Variants in GLE1 observed in about 807,000 individuals in gnomAD.
GLE1 encodes the protein GLE1 RNA export mediator.
A neutral mutation model predicts 97.3 loss-of-function variants in GLE1; 78 were observed. The ratio of observed to expected loss-of-function variants is 0.80; its 90% CI spans 0.67 to 0.97. GLE1 has a LOEUF of 0.97. Among genes scored for constraint, GLE1 ranks in the 50% least tolerant of loss-of-function variants. The pLI, the probability that GLE1 is intolerant of heterozygous loss-of-function variation, is 0.00. For synonymous variants in GLE1, 302 were observed against 313.4 expected (o/e 0.96, Z 0.39); for missense variants, 753 against 857.5 (o/e 0.88, Z 1.52).
At chr9:128,537,905 G>A in intron 12 of GLE1, 81 bp from the exon 13 acceptor site, 1 of 806,550 alleles carries the variant, frequency 1.2e-6, no homozygotes, top group Non-Finnish European at 2.2e-6. Flanking sequence ...ATTTCCACTT[G>A]GTAATGGCTG....
At chr9:128,510,068 T>A (rs1159165738) in intron 2 of GLE1, among the ~76,000 whole-genome samples, 3 of 151,792 alleles carry the variant, frequency 2.0e-5, no homozygotes. Flanking sequence ...TCACCCTCCC[T>A]TTTTTTTGAG....
chr9:128,535,461 G>T (rs1444786697), intron 11 of GLE1, among the ~76,000 whole-genome samples: 5 of 146,154 alleles, frequency 3.4e-5, no homozygotes, highest in African/African-American at 1.3e-4. Flanking sequence ...GGTGGAGGTT[G>T]CACTGAGCCG....
At chr9:128,524,540 C>CTTTTTTTTTTTT (rs71381767) in intron 6 of GLE1, among the ~76,000 whole-genome samples, 1 of 39,622 alleles carries the variant, frequency 2.5e-5, no homozygotes, top group African/African-American at 9.3e-5. Flanking sequence ...CTTTGCTTTG[C>CTTTTTTTTTTTT]TTTTTTTTTT....
At position 128,527,246 on chromosome 9, in the gene GLE1, G is replaced by A. The variant is rs772904962; in HGVS notation, c.1197G>A (p.Gln399=). 6.2e-7 allele frequency: 1 copy of A among 1,612,068 alleles called. No individual in the cohort carries two copies. The highest frequency in any genetic ancestry group is 8.5e-7 in the Non-Finnish European group (1 of 1,178,066). Residue 399 remains glutamine (Q), a synonymous_variant, in exon 8 of 16, where the codon CAG becomes CAA. Coordinates refer to ENST00000309971, the MANE Select transcript of GLE1 (RefSeq NM_001003722.2). ...WYQQLQDASM[Q]CVLTFEGLTN... is the part of the protein sequence containing the mutation. Reference sequence around the variant, plus strand: ...AGCAGCTGCAGGATGCTTCCATGCAGTGTGTGTTGACCTTTGAGGGCCTGA... The same window carrying A: ...AGCAGCTGCAGGATGCTTCCATGCAATGTGTGTTGACCTTTGAGGGCCTGA...
chr9:128,536,097 A>G (rs571668231), intron 11 of GLE1, among the ~76,000 whole-genome samples: 149 of 152,100 alleles, frequency 9.8e-4, no homozygotes, highest in Non-Finnish European at 1.8e-3. Flanking sequence ...CAGTGATGCA[A>G]TCTTGACTCA....
chr9:128,540,514 C>A lies in GLE1; in HGVS notation c.2028+176C>A, dbSNP rs1470860352. The A allele has an allele frequency of 4.6e-6, 3 of 650,100 alleles. No homozygotes were observed. The East Asian group carries it at 8.3e-5, about 18-fold the overall frequency. The allele number at this position is 650,100 out of a possible 1,614,324, so 40.3% of individuals were successfully genotyped here. On this transcript the variant is annotated intron_variant, in intron 15 of 15. Transcript: ENST00000309971. ...TTTGGAGTAAGGGCTGCCATTTCCT[C>A]TTCTTTATATGTATCATTCTCTATA...
chr9:128,507,942 G>A (rs932671068), intron 1 of GLE1, among the ~76,000 whole-genome samples: 2 of 151,912 alleles, frequency 1.3e-5, no homozygotes, highest in African/African-American at 4.8e-5. Context: ...CACTTTGGGA[G>A]GCTGAGGCGG....
Position 128,523,265 on chromosome 9 carries a change from C to T in GLE1, c.582-15C>T. 6.3e-7 allele frequency: 1 copy of T among 1,595,520 alleles called. No individual in the cohort carries two copies. ...AAGTATCCCTGACTATTCCTCCCTGCCATTTTTCATGCAGCTCCAGAGAAG... is the reference window on the plus strand; with the variant it reads ...AAGTATCCCTGACTATTCCTCCCTGTCATTTTTCATGCAGCTCCAGAGAAG... On this transcript the variant is annotated splice_polypyrimidine_tract_variant and intron_variant, in intron 4 of 15. Transcript: ENST00000309971.
chr9:128,511,660 T>A (rs1846827957), intron 2 of GLE1, among the ~76,000 whole-genome samples: 1 of 149,322 alleles, frequency 6.7e-6, no homozygotes, highest in East Asian at 2.0e-4. Context: ...GAGCTGAGAT[T>A]GCGCCACTGC....
rs1290904470 is a variant in GLE1, at chr9:128,539,701, A to G, written c.1964+3A>G. 2.5e-6 allele frequency: 4 copies of G among 1,613,686 alleles called. No individual in the cohort carries two copies. The East Asian group carries it at 6.7e-5, about 27-fold the overall frequency. On this transcript the variant is annotated splice_donor_region_variant and intron_variant, in intron 14 of 15. Transcript: ENST00000309971. ...ATCAAAGAGGACTACTTTCCCAGGT[A>G]TCAGGCTTGTTGAGCAGACAGCAGG...
intron 1 of GLE1, among the ~76,000 whole-genome samples, chr9:128,508,134 C>T (rs553119038): frequency 2.1e-5 from 3 of 144,528 alleles, no homozygotes; most frequent in Admixed American, 7.1e-5. Context: ...GAGCCAAGAT[C>T]GTGCCATTGC....
At chr9:128,510,762 C>T (rs193274186) in intron 2 of GLE1, among the ~76,000 whole-genome samples, 106 of 149,468 alleles carry the variant, frequency 7.1e-4, no homozygotes, top group Non-Finnish European at 1.1e-3. Flanking sequence ...CTACTGACCT[C>T]AGATGATCTA....
At chr9:128,516,786 G>A (rs1288442234) in intron 3 of GLE1, among the ~76,000 whole-genome samples, 1 of 151,504 alleles carries the variant, frequency 6.6e-6, no homozygotes, top group African/African-American at 2.4e-5. Context: ...CACCACGCCT[G>A]GCTAATTTTT....
intron 9 of GLE1, among the ~76,000 whole-genome samples, chr9:128,529,872 G>C (rs903156952): frequency 2.0e-5 from 3 of 151,960 alleles, no homozygotes; most frequent in Non-Finnish European, 4.4e-5. Context: ...CACCTCCCGG[G>C]TTCACGCCAT....
Position 128,541,331 on chromosome 9 carries a change from C to A in GLE1, c.*161C>A. On this transcript the variant is annotated 3_prime_UTR_variant, in exon 16 of 16. Transcript: ENST00000309971. ...ACTAGGAGAGGAGATTTTCATGGGT[C>A]ACAAAATTCTTGGAGGTCCCTTAGT... The A allele has an allele frequency of 1.6e-6, 1 of 633,342 alleles. No individual in the cohort carries two copies. Among genetic ancestry groups the A allele is most frequent in the Non-Finnish European group, 2.8e-6 (1 of 352,738 alleles). 39.2% of individuals were successfully genotyped at this position (633,342 alleles called of 1,614,324 possible).
In GLE1 at chr9:128,541,196, G is replaced by A. The variant is rs755923719; in HGVS notation, c.*26G>A. On this transcript the variant is annotated 3_prime_UTR_variant, in exon 16 of 16. Transcript: ENST00000309971. ...TGTCACTCCATCACCCACCATCACC[G>A]CTGCTGCAAAGAGGCAATAATAAAG... 10 of 1,315,820 alleles carry A rather than the reference G, an allele frequency of 7.6e-6. No individual in the cohort carries two copies. Among genetic ancestry groups the A allele is most frequent in the Admixed American group, 1.7e-5 (1 of 59,670 alleles). The allele number at this position is 1,315,820 out of a possible 1,614,324, so 81.5% of individuals were successfully genotyped here.
chr9:128,539,929 T>C, intron 14 of GLE1: 1 of 1,224,500 alleles, frequency 8.2e-7, no homozygotes, highest in Non-Finnish European at 1.1e-6. Context: ...AATTAGGGGC[T>C]GAGCACAGTG....
chr9:128,504,774 G>T lies in GLE1; in HGVS notation c.-32G>T. The T allele has an allele frequency of 7.2e-7, 1 of 1,393,936 alleles. No homozygotes were observed. Among genetic ancestry groups the T allele is most frequent in the Non-Finnish European group, 1.0e-6 (1 of 979,860 alleles). The allele number at this position is 1,393,936 out of a possible 1,614,324, so 86.3% of individuals were successfully genotyped here. A position where few individuals can be genotyped will look rare whatever the true frequency, so the allele number is the denominator to read the frequency against. The stretch of plus-strand genomic sequence containing the variant: ...TTCGAGGGCTTGTTTGGTCAGAAGG[G>T]GGGCGTCAGAGAAGCTGCCCCTTAG... On this transcript the variant is annotated 5_prime_UTR_variant, in exon 1 of 16. Transcript: ENST00000309971.
At chr9:128,522,431 C>T (rs1847176424) in intron 3 of GLE1, among the ~76,000 whole-genome samples, 1 of 151,930 alleles carries the variant, frequency 6.6e-6, no homozygotes, top group Non-Finnish European at 1.5e-5. Context: ...CCAAGGCAGG[C>T]GGATCACAAG....
Sources: gnomAD v4.1 joint callset for allele counts (sites outside exome capture counted in the v4.1 genomes callset) on GRCh38, gnomAD v4.1.1 for gene constraint, MANE v1.5 for transcripts, NCBI Gene and HGNC (gene_info 2026-07-23, HGNC 2026-07-21) for gene names.